The following NRXN3 variants were observed in gnomAD, a reference collection of about 807,000 sequenced individuals.
NRXN3 encodes the protein neurexin III.
A neutral mutation model predicts 137.6 loss-of-function variants in NRXN3; 32 were observed. The ratio of observed to expected loss-of-function variants is 0.23; its 90% CI spans 0.18 to 0.31. NRXN3 has a LOEUF of 0.31. Ranked by LOEUF, NRXN3 falls within the 10% of genes least tolerant of loss-of-function variation. The pLI, the probability that NRXN3 is intolerant of heterozygous loss-of-function variation, is 1.00. For synonymous variants in NRXN3, 798 were observed against 784.5 expected (o/e 1.02, Z -0.29); for missense variants, 1,574 against 2,062.5 (o/e 0.76, Z 4.59).
intron 8 of NRXN3, among the ~76,000 whole-genome samples, chr14:78,778,307 C>T (rs9972280): frequency 1.3e-5 from 2 of 152,006 alleles, no homozygotes; most frequent in Non-Finnish European, 2.9e-5. Context: ...TTACTTTAAA[C>T]GGTTAGGCAA....
In NRXN3 at chr14:79,805,171, T is replaced by G; in HGVS notation, c.4074T>G (p.Val1358=). The G allele has an allele frequency of 6.2e-7, 1 of 1,613,818 alleles. No homozygotes were observed. The highest frequency in any genetic ancestry group is 8.5e-7 in the Non-Finnish European group (1 of 1,179,776). ...GTTCAAGTGATGATGAAGACTTTGT[T>G]GAATGTGAGCCGAGTACAGGTAGGT... ...AECSSDDEDF[V]ECEPSTDKSL... is the part of the protein sequence containing the mutation. Residue 1358 remains valine (V), a synonymous_variant, in exon 20 of 21, where the codon GTT becomes GTG. Transcript: ENST00000335750.
intron 15 of NRXN3, among the ~76,000 whole-genome samples, chr14:79,047,439 A>G (rs960472485): frequency 2.0e-5 from 3 of 152,194 alleles, no homozygotes; most frequent in Admixed American, 2.0e-4. Context: ...CAATAGATTC[A>G]ACTTAATGAA....
intron 15 of NRXN3, among the ~76,000 whole-genome samples, chr14:79,128,490 T>C (rs1353163240): frequency 3.3e-3 from 498 of 150,502 alleles, no homozygotes; most frequent in Middle Eastern, 6.8e-3. Context: ...TATTGATTTG[T>C]GTATATTGAA....
At chr14:78,481,369 T>C (rs545556389) in intron 4 of NRXN3, among the ~76,000 whole-genome samples, 2 of 152,208 alleles carry the variant, frequency 1.3e-5, no homozygotes, top group Non-Finnish European at 2.9e-5. Context: ...TTTTCTTTCA[T>C]GTTTCGGATT....
intron 15 of NRXN3, among the ~76,000 whole-genome samples, chr14:79,085,108 G>A: frequency 6.6e-6 from 1 of 152,078 alleles, no homozygotes; most frequent in East Asian, 1.9e-4. Flanking sequence ...TTCGTTTTCT[G>A]GGATGGAATC....
At chr14:79,853,634 G>A (rs765994403) in intron 20 of NRXN3, 18 of 1,344,986 alleles carry the variant, frequency 1.3e-5, no homozygotes, top group Non-Finnish European at 1.8e-5. Flanking sequence ...CATCTCCTGT[G>A]TAGTTCACTC....
intron 15 of NRXN3, among the ~76,000 whole-genome samples, chr14:79,397,046 G>C (rs1349159972): frequency 6.6e-6 from 1 of 152,168 alleles, no homozygotes; most frequent in African/African-American, 2.4e-5. Context: ...GCCAGAGGCA[G>C]CTGTCTTGGA....
At position 79,697,793 on chromosome 14, in the gene NRXN3, T is replaced by A; in HGVS notation, c.3870T>A (p.Val1290=). ...CCAATATTAAAATCAATGGAAGTGT[T>A]CGGCTGGTTGGAGAAGTCCCATCAA... is the stretch of plus-strand genomic sequence containing the variant. ...NNPNIKINGS[V]RLVGEVPSIL... The change falls in exon 19 of 21, where the codon GTT becomes GTA. Residue 1290 remains valine, a synonymous_variant. Coordinates refer to ENST00000335750, the MANE Select transcript of NRXN3 (RefSeq NM_001330195.2). 1 of 1,613,124 alleles carries A rather than the reference T, an allele frequency of 6.2e-7. No individual in the cohort carries two copies. Among genetic ancestry groups the A allele is most frequent in the Non-Finnish European group, 8.5e-7 (1 of 1,179,434 alleles).
intron 16 of NRXN3, among the ~76,000 whole-genome samples, chr14:79,502,515 AC>A (rs71103809): frequency 2.7e-5 from 4 of 147,444 alleles, no homozygotes; most frequent in Non-Finnish European, 6.0e-5. Context: ...CTCTCGCCAC[AC>A]CCCCCACCCC....
At chr14:79,222,574 T>C (rs1321984499) in intron 15 of NRXN3, among the ~76,000 whole-genome samples, 1 of 152,158 alleles carries the variant, frequency 6.6e-6, no homozygotes, top group African/African-American at 2.4e-5. Context: ...ATGGTAAGTG[T>C]ATGTTTAGTT....
At chr14:78,352,035 C>T (rs2083585020) in intron 4 of NRXN3, among the ~76,000 whole-genome samples, 1 of 149,988 alleles carries the variant, frequency 6.7e-6, no homozygotes, top group Non-Finnish European at 1.5e-5. Flanking sequence ...TTGCAGTGAA[C>T]CGAGATCGCA....
At position 78,240,402 on chromosome 14, in the gene NRXN3, A is replaced by G. The variant is rs74762537; in HGVS notation, c.-703-1989A>G. Among the ~76,000 whole-genome samples the G allele has an allele frequency of 7.8e-3, 1,187 of 152,314 alleles. 12 individuals are homozygous for G. The highest frequency in any genetic ancestry group is 0.027 in the African/African-American group (1,140 of 41,564). Reference sequence around the variant, plus strand: ...AACATATAAGCCCCTGGCTGGTCCCATGGAACATGGGCTATACAGGGGATC... The same window carrying G: ...AACATATAAGCCCCTGGCTGGTCCCGTGGAACATGGGCTATACAGGGGATC... On this transcript the variant is annotated intron_variant, in intron 1 of 20. Transcript: ENST00000335750.
At chr14:79,720,263 G>C (rs1255139708) in intron 19 of NRXN3, among the ~76,000 whole-genome samples, 3 of 152,024 alleles carry the variant, frequency 2.0e-5, no homozygotes, top group Admixed American at 2.0e-4. Context: ...ATTCACTACT[G>C]TAAGAACAAT....
At chr14:78,952,008 G>A (rs928416640) in intron 10 of NRXN3, among the ~76,000 whole-genome samples, 4 of 152,070 alleles carry the variant, frequency 2.6e-5, no homozygotes, top group African/African-American at 9.7e-5. Context: ...CTAGAAGCAG[G>A]GGCTCCTGGA....
chr14:78,800,346 A>G (rs899447016), intron 8 of NRXN3, among the ~76,000 whole-genome samples: 2 of 152,222 alleles, frequency 1.3e-5, no homozygotes, highest in African/African-American at 4.8e-5. Flanking sequence ...CTTAATGCAT[A>G]TAAAGTCCTA....
intron 15 of NRXN3, among the ~76,000 whole-genome samples, chr14:78,989,856 G>A (rs897222926): frequency 2.0e-5 from 3 of 152,224 alleles, no homozygotes; most frequent in African/African-American, 7.2e-5. Flanking sequence ...ATAAAGGTAA[G>A]TTATCGTAAC....
rs1212543740 is a variant in NRXN3 at position 79,866,056 on chromosome 14, T to C, written c.*4092T>C. On this transcript the variant is annotated 3_prime_UTR_variant, in exon 21 of 21. Coordinates refer to ENST00000335750, the MANE Select transcript of NRXN3 (RefSeq NM_001330195.2). Reference sequence around the variant, plus strand: ...AAGCTAGTCTACTATTGGCTATTGTTACTTTGTTTCAATGAAGGCAGAAAA... The same window carrying C: ...AAGCTAGTCTACTATTGGCTATTGTCACTTTGTTTCAATGAAGGCAGAAAA... 6.6e-6 allele frequency: 1 copy of C among 152,234 alleles called. No homozygotes were observed. The highest frequency in any genetic ancestry group is 1.5e-5 in the Non-Finnish European group (1 of 68,036). 9.4% of individuals were successfully genotyped at this position (152,234 alleles called of 1,614,324 possible).
intron 19 of NRXN3, among the ~76,000 whole-genome samples, chr14:79,703,492 C>T (rs2098763496): frequency 6.6e-6 from 1 of 152,048 alleles, no homozygotes; most frequent in African/African-American, 2.4e-5. Flanking sequence ...TCTGTTCTCA[C>T]ACTGCTATAA....
intron 8 of NRXN3, among the ~76,000 whole-genome samples, chr14:78,739,482 T>C (rs1226543321): frequency 6.6e-6 from 1 of 152,174 alleles, no homozygotes; most frequent in Non-Finnish European, 1.5e-5. Flanking sequence ...TATATCTTGT[T>C]TTATTTTTTG....
Sources: gnomAD v4.1 joint callset for allele counts (sites outside exome capture counted in the v4.1 genomes callset) on GRCh38, gnomAD v4.1.1 for gene constraint, MANE v1.5 for transcripts, NCBI Gene and HGNC (gene_info 2026-07-23, HGNC 2026-07-21) for gene names.